The following MYO3B variants were observed in gnomAD, a reference collection of about 807,000 sequenced individuals.
The protein encoded by MYO3B is myosin IIIB.
In MYO3B, 156 loss-of-function variants were observed where a neutral mutation model predicts 174.6. The ratio of observed to expected loss-of-function variants is 0.89; its 90% CI spans 0.78 to 1.02. The LOEUF (loss-of-function observed/expected upper bound fraction) is 1.02. MYO3B is among the 50% of genes least tolerant of loss of function. The pLI is 0.00. For synonymous variants in MYO3B, 563 were observed against 569.1 expected (o/e 0.99, Z 0.15); for missense variants, 1,632 against 1,639.4 (o/e 1.00, Z 0.08).
intron 30 of MYO3B, among the ~76,000 whole-genome samples, chr2:170,535,293 A>G (rs1391194206): frequency 1.3e-5 from 2 of 152,240 alleles, no homozygotes; most frequent in Non-Finnish European, 2.9e-5. Context: ...CATGTGTCAT[A>G]CACATTGTTC....
chr2:170,478,962 G>GTA (rs1559041059), intron 25 of MYO3B, among the ~76,000 whole-genome samples: 1 of 148,058 alleles, frequency 6.8e-6, no homozygotes, highest in East Asian at 2.0e-4. Context: ...TATTATATAT[G>GTA]TATATATATT....
intron 22 of MYO3B, among the ~76,000 whole-genome samples, chr2:170,442,613 A>G (rs1468158101): frequency 2.7e-5 from 4 of 150,748 alleles, no homozygotes; most frequent in African/African-American, 7.3e-5. Context: ...TTAACTCATC[A>G]TTTACATTAG....
intron 32 of MYO3B, among the ~76,000 whole-genome samples, chr2:170,583,874 G>C (rs989105029): frequency 6.6e-6 from 1 of 152,154 alleles, no homozygotes; most frequent in African/African-American, 2.4e-5. Context: ...CCATCTTGAA[G>C]ATGTGATTTT....
In MYO3B at chr2:170,219,728, T is replaced by G. The variant is rs2092871735; in HGVS notation, c.603+2333T>G. On this transcript the variant is annotated intron_variant, in intron 6 of 34. Transcript: ENST00000408978. ...GGATAAGATGCACTTGCAGGACAGT[T>G]TGAGGACGGCTTCACAACTATTGAT... Among the ~76,000 whole-genome samples the G allele has an allele frequency of 2.6e-5, 4 of 152,170 alleles. No homozygotes were observed. In the South Asian group the frequency reaches 8.3e-4, roughly 32 times the overall value.
At chr2:170,281,638 G>A (rs2093511568) in intron 7 of MYO3B, among the ~76,000 whole-genome samples, 1 of 152,066 alleles carries the variant, frequency 6.6e-6, no homozygotes, top group Non-Finnish European at 1.5e-5. Context: ...ACGTCAAAAA[G>A]TTAAAAAGAC....
intron 25 of MYO3B, among the ~76,000 whole-genome samples, chr2:170,478,097 A>G (rs1260425841): frequency 1.3e-5 from 2 of 152,182 alleles, no homozygotes; most frequent in Admixed American, 6.5e-5. Flanking sequence ...ATCAGGAAAG[A>G]AAAAATTTTT....
At chr2:170,269,361 C>T (rs527680161) in intron 7 of MYO3B, among the ~76,000 whole-genome samples, 5 of 152,260 alleles carry the variant, frequency 3.3e-5, no homozygotes, top group African/African-American at 1.2e-4. Context: ...TGGTTCTCAC[C>T]TTACCACTTC....
rs781670565 is a variant in MYO3B, at chr2:170,200,102, C to T, written c.187-48C>T. ...AGCATGATGTCATATCTGTACCCTTCCTTACACATTAGATTTAATCCAGCT... is the reference window on the plus strand; with the variant it reads ...AGCATGATGTCATATCTGTACCCTTTCTTACACATTAGATTTAATCCAGCT... On this transcript the variant is annotated intron_variant, in intron 2 of 34. Transcript: ENST00000408978. The T allele has an allele frequency of 6.3e-6, 10 of 1,581,568 alleles. No individual in the cohort carries two copies. In the South Asian group the frequency reaches 9.4e-5, roughly 15 times the overall value.
rs1347332638 is a variant in MYO3B, at chr2:170,213,727, T to G, written c.322-652T>G. On this transcript the variant is annotated intron_variant, in intron 3 of 34. Coordinates refer to ENST00000408978, the MANE Select transcript of MYO3B (RefSeq NM_138995.5). ...ACAAATATGCAAAATAAAATTAGTG[T>G]TTTTAATTACAGACAAAAAAGAGAG... 2.0e-5 allele frequency among the ~76,000 whole-genome samples: 3 copies of G among 152,182 alleles called. No individual in the cohort carries two copies. In the East Asian group the frequency reaches 5.8e-4, roughly 29 times the overall value.
intron 25 of MYO3B, among the ~76,000 whole-genome samples, chr2:170,472,673 CTATTTATT>C (rs61295158): frequency 0.014 from 1,963 of 142,344 alleles, 23 homozygotes; most frequent in African/African-American, 0.018. Flanking sequence ...CACTTTTTAT[CTATTTATT>C]TATTTATTTA....
intron 6 of MYO3B, among the ~76,000 whole-genome samples, chr2:170,220,677 G>A (rs1332205545): frequency 6.6e-6 from 1 of 150,678 alleles, no homozygotes; most frequent in South Asian, 2.1e-4. Context: ...GTAGGGGACA[G>A]TTTATGGTGA....
chr2:170,605,981 C>T (rs565982097), intron 32 of MYO3B, among the ~76,000 whole-genome samples: 2 of 152,078 alleles, frequency 1.3e-5, no homozygotes, highest in Admixed American at 1.3e-4. Flanking sequence ...CTGTTTTGAC[C>T]TTCTGAATAC....
rs769659940 is a variant in MYO3B, at chr2:170,543,945, A to T, written c.3690A>T (p.Pro1230=). 4.3e-6 allele frequency: 7 copies of T among 1,613,270 alleles called. No homozygotes were observed. Among genetic ancestry groups the T allele is most frequent in the Non-Finnish European group, 5.9e-6 (7 of 1,179,430 alleles). Residue 1230 remains proline (P), a synonymous_variant, in exon 32 of 35, where the codon CCA becomes CCT. Coordinates refer to ENST00000408978, the MANE Select transcript of MYO3B (RefSeq NM_138995.5). ...CTTCTCGGATATGCCATCCTGCTCCAGATCAGCAAGGATTGAGTCTCTGGG... is the reference window on the plus strand; with the variant it reads ...CTTCTCGGATATGCCATCCTGCTCCTGATCAGCAAGGATTGAGTCTCTGGG... ...LLSSRICHPA[P]DQQGLSLWGA... is the part of the protein sequence containing the mutation.
At chr2:170,558,118 G>A (rs1056459064) in intron 32 of MYO3B, among the ~76,000 whole-genome samples, 4 of 152,062 alleles carry the variant, frequency 2.6e-5, no homozygotes, top group African/African-American at 9.7e-5. Flanking sequence ...TGGCTAACAC[G>A]GTGAAATCCC....
chr2:170,386,178 T>C lies in MYO3B; in HGVS notation c.1291-11T>C. On this transcript the variant is annotated splice_polypyrimidine_tract_variant and intron_variant, in intron 12 of 34. Coordinates refer to ENST00000408978, the MANE Select transcript of MYO3B (RefSeq NM_138995.5). ...TAAATTCTTCACTTGACGCTCCATT[T>C]TCTGTGCCAGTGCATTGTCATCAGC... is the stretch of plus-strand genomic sequence containing the variant. 2 of 1,612,670 alleles carry C rather than the reference T, an allele frequency of 1.2e-6. No homozygotes were observed. Among genetic ancestry groups the C allele is most frequent in the African/African-American group, 1.3e-5 (1 of 74,994 alleles).
At chr2:170,541,124 A>T (rs1222675283) in intron 30 of MYO3B, among the ~76,000 whole-genome samples, 1 of 152,236 alleles carries the variant, frequency 6.6e-6, no homozygotes, top group Non-Finnish European at 1.5e-5. Flanking sequence ...GGTGTCTGCC[A>T]TTGGCTTTGG....
intron 7 of MYO3B, among the ~76,000 whole-genome samples, chr2:170,282,349 A>G (rs1442191635): frequency 2.6e-5 from 4 of 152,162 alleles, no homozygotes; most frequent in African/African-American, 9.7e-5. Flanking sequence ...AGCACCACTT[A>G]TTGGAAAAGG....
intron 25 of MYO3B, among the ~76,000 whole-genome samples, chr2:170,494,467 C>A (rs1006475650): frequency 1.3e-5 from 2 of 152,102 alleles, no homozygotes; most frequent in Non-Finnish European, 2.9e-5. Context: ...TTGGCTCATG[C>A]CTGTAATCTC....
chr2:170,183,014 G>A (rs904850033), intron 1 of MYO3B, among the ~76,000 whole-genome samples: 3 of 152,000 alleles, frequency 2.0e-5, no homozygotes, highest in African/African-American at 7.2e-5. Flanking sequence ...CTAGGACTTT[G>A]GGAGGCCAAG....
Sources: gnomAD v4.1 joint callset for allele counts (sites outside exome capture counted in the v4.1 genomes callset) on GRCh38, gnomAD v4.1.1 for gene constraint, MANE v1.5 for transcripts, NCBI Gene and HGNC (gene_info 2026-07-23, HGNC 2026-07-21) for gene names.